The following DACH1 variants were observed in gnomAD, a reference collection of about 807,000 sequenced individuals.
DACH1 encodes dachshund homolog 1.
A neutral mutation model predicts 54.2 loss-of-function variants in DACH1; 12 were observed. The ratio of observed to expected loss-of-function variants is 0.22; its 90% CI spans 0.14 to 0.36. The LOEUF is 0.36. Among genes scored for constraint, DACH1 ranks in the 10% least tolerant of loss-of-function variants. The pLI is 1.00. For missense variants in DACH1, 805 were observed against 929.8 expected (o/e 0.87, Z 1.75); for synonymous variants, 386 against 366.2 (o/e 1.05, Z -0.62).
intron 6 of DACH1, among the ~76,000 whole-genome samples, chr13:71,536,788 A>T (rs1325590449): frequency 6.6e-6 from 1 of 152,054 alleles, no homozygotes; most frequent in Non-Finnish European, 1.5e-5. Flanking sequence ...TCTTTCTATC[A>T]TCCTTTCCCC....
At chr13:71,742,512 T>G (rs919583362) in intron 1 of DACH1, among the ~76,000 whole-genome samples, 1 of 152,098 alleles carries the variant, frequency 6.6e-6, no homozygotes, top group Non-Finnish European at 1.5e-5. Context: ...TTCCTAAAAT[T>G]TATTCATATT....
chr13:71,825,439 C>A (rs1888342743), intron 1 of DACH1, among the ~76,000 whole-genome samples: 1 of 152,040 alleles, frequency 6.6e-6, no homozygotes, highest in Admixed American at 6.6e-5. Context: ...TTAAAAGAAA[C>A]CACATACTTA....
intron 3 of DACH1, among the ~76,000 whole-genome samples, chr13:71,597,934 T>C (rs1199697620): frequency 6.6e-6 from 1 of 151,670 alleles, no homozygotes; most frequent in Non-Finnish European, 1.5e-5. Flanking sequence ...CTGGGCAACA[T>C]GGTGAAACCA....
intron 2 of DACH1, among the ~76,000 whole-genome samples, chr13:71,651,686 A>ATC (rs1566407043): frequency 8.9e-5 from 3 of 33,706 alleles, no homozygotes; most frequent in East Asian, 1.1e-3. Context: ...GTATCTGTAT[A>ATC]TGTATATGTA....
chr13:71,664,002 T>C (rs1165695292), intron 2 of DACH1, among the ~76,000 whole-genome samples: 1 of 151,922 alleles, frequency 6.6e-6, no homozygotes, highest in Non-Finnish European at 1.5e-5. Context: ...AAATACCCAA[T>C]GCTATTGTAA....
intron 6 of DACH1, among the ~76,000 whole-genome samples, chr13:71,489,651 T>G (rs867317843): frequency 6.6e-6 from 1 of 152,110 alleles, no homozygotes; most frequent in African/African-American, 2.4e-5. Flanking sequence ...TTAAAATCTT[T>G]CACTTTACAC....
At chr13:71,695,861 A>T (rs1566439134) in intron 1 of DACH1, among the ~76,000 whole-genome samples, 1 of 152,216 alleles carries the variant, frequency 6.6e-6, no homozygotes, top group South Asian at 2.1e-4. Context: ...TGGCAACTGC[A>T]GATCATACTG....
At chr13:71,552,838 TATATAG>T (rs1338287231) in intron 6 of DACH1, among the ~76,000 whole-genome samples, 21 of 21,622 alleles carry the variant, frequency 9.7e-4, no homozygotes, top group Non-Finnish European at 1.3e-3. Context: ...TATATATATA[TATATAG>T]AGAGAGAGAG....
intron 1 of DACH1, among the ~76,000 whole-genome samples, chr13:71,729,759 T>C (rs1883650728): frequency 6.6e-6 from 1 of 152,108 alleles, no homozygotes; most frequent in Non-Finnish European, 1.5e-5. Context: ...TATTAGGTAA[T>C]TAGAATTACT....
intron 1 of DACH1, among the ~76,000 whole-genome samples, chr13:71,696,737 G>A (rs1030460824): frequency 6.6e-6 from 1 of 151,928 alleles, no homozygotes; most frequent in Non-Finnish European, 1.5e-5. Context: ...AATAGAGACA[G>A]GGATTCACTA....
intron 9 of DACH1, 92 bp from the exon 10 acceptor site, chr13:71,475,301 A>G (rs1174556211): frequency 1.9e-6 from 2 of 1,037,848 alleles, no homozygotes; most frequent in Non-Finnish European, 2.9e-6. Context: ...TTGGTGCTGA[A>G]TTAAAATTAC....
chr13:71,577,285 C>T (rs757516102), intron 3 of DACH1, among the ~76,000 whole-genome samples: 5 of 152,132 alleles, frequency 3.3e-5, no homozygotes, highest in Non-Finnish European at 7.3e-5. Flanking sequence ...AGCTACCAAA[C>T]GAGGTGGAAA....
rs759795197 is a variant in DACH1 at position 71,479,255 on chromosome 13, T to C, written c.1784A>G (p.Lys595Arg). 1.7e-5 allele frequency: 27 copies of C among 1,613,762 alleles called. No homozygotes were observed. The change falls in exon 8 of 11, where the codon AAA becomes AGA. Residue 595 changes from lysine (K) to arginine (R), a missense_variant. Physicochemically the swap from Lys to Arg is conservative, Grantham distance 26. Around this residue, in one of 3 missense-constraint regions of DACH1, gnomAD observed 472 missense variants for 545.3 expected, o/e 0.87. Transcript: ENST00000613252. ...TAAAAAATCCATCTTCAGCTCAGTT[T>C]TTTCCAGTTGGACCTGTTTCTCTTG... is the stretch of plus-strand genomic sequence containing the variant. Reference protein sequence around the residue: ...RAQEKQVQLEKTELKMDFLRE... With the variant: ...RAQEKQVQLERTELKMDFLRE...
chr13:71,733,755 C>T (rs1883859034), intron 1 of DACH1, among the ~76,000 whole-genome samples: 1 of 152,118 alleles, frequency 6.6e-6, no homozygotes, highest in Admixed American at 6.5e-5. Context: ...TAATGGTTCA[C>T]TTGTCATCAT....
At chr13:71,484,429 A>T (rs1411133050) in intron 7 of DACH1, among the ~76,000 whole-genome samples, 1 of 152,084 alleles carries the variant, frequency 6.6e-6, no homozygotes, top group Non-Finnish European at 1.5e-5. Context: ...AGCCTCCCAA[A>T]GTGCTGGGAT....
chr13:71,815,967 C>T (rs1178527268), intron 1 of DACH1, among the ~76,000 whole-genome samples: 1 of 151,924 alleles, frequency 6.6e-6, no homozygotes, highest in Non-Finnish European at 1.5e-5. Flanking sequence ...CGCCTGTAGT[C>T]CCAGCTACTC....
At chr13:71,545,760 G>C (rs968207626) in intron 6 of DACH1, among the ~76,000 whole-genome samples, 1 of 152,010 alleles carries the variant, frequency 6.6e-6, no homozygotes, top group African/African-American at 2.4e-5. Context: ...GTAATCACAA[G>C]TTTGAAATAT....
chr13:71,450,629 T>G (rs1276694264), intron 10 of DACH1, among the ~76,000 whole-genome samples: 2 of 152,118 alleles, frequency 1.3e-5, no homozygotes, highest in African/African-American at 4.8e-5. Flanking sequence ...GAAGAAGGCA[T>G]GTCAAAGTCC....
rs150056855 is a variant in DACH1 at position 71,466,704 on chromosome 13, A to G, written c.2083+8437T>C. Among the ~76,000 whole-genome samples the G allele has an allele frequency of 5.8e-3, 879 of 152,168 alleles. 6 individuals carry two copies. Among genetic ancestry groups the G allele is most frequent in the East Asian group, 0.03 (157 of 5,164 alleles). ...CAAAAAATATGAAAATTAGCTGGGC[A>G]TTCTCACACACAACGTCTGTGGTCC... On this transcript the variant is annotated intron_variant, in intron 10 of 10. Transcript: ENST00000613252.
Sources: gnomAD v4.1 joint callset for allele counts (sites outside exome capture counted in the v4.1 genomes callset) on GRCh38, gnomAD v4.1.1 for gene constraint, gnomAD v4.1.1 regional missense constraint, MANE v1.5 for transcripts, NCBI Gene and HGNC (gene_info 2026-07-23, HGNC 2026-07-21) for gene names.